CELSR1: variants seen among roughly 807,000 people sequenced by gnomAD.
The protein encoded by CELSR1 is cadherin EGF LAG seven-pass G-type receptor 1.
Under a neutral mutation model 249.1 loss-of-function variants are expected in CELSR1, and 110 were observed. The observed-to-expected ratio is 0.44, with a 90% CI of 0.38 to 0.52. CELSR1 has a LOEUF of 0.52. CELSR1 is among the 20% of genes least tolerant of loss of function. The pLI is 0.00. For synonymous variants in CELSR1, 2,113 were observed against 1,900.0 expected (o/e 1.11, Z -2.92); for missense variants, 4,109 against 4,296.4 (o/e 0.96, Z 1.22).
rs147959364 is a variant in CELSR1 at position 46,396,754 on chromosome 22, G to A, written c.5702-8C>T. On this transcript the variant is annotated splice_polypyrimidine_tract_variant and splice_region_variant and intron_variant, in intron 12 of 34. Coordinates refer to ENST00000674500, the MANE Select transcript of CELSR1 (RefSeq NM_001378328.1). This position sits in a 1 kb window ranked among gnomAD's most constrained non-coding sequence, Gnocchi z 6.4. ...AGTTTATTCCAAGGTACCCTGCAAG[G>A]ACAGAGCCAGCATTACCTCCACCCA... is the stretch of plus-strand genomic sequence containing the variant. The A allele has an allele frequency of 2.3e-4, 378 of 1,610,668 alleles. 2 individuals are homozygous for A. The African/African-American group carries it at 4.6e-3, about 19-fold the overall frequency.
At chr22:46,452,750 C>A (rs577294353) in intron 2 of CELSR1, among the ~76,000 whole-genome samples, 35 of 152,298 alleles carry the variant, frequency 2.3e-4, no homozygotes, top group African/African-American at 7.5e-4. Flanking sequence ...TGGGTCCTAC[C>A]TAGAGGGGAC....
chr22:46,396,994 G>A lies in CELSR1; in HGVS notation c.5702-248C>T, dbSNP rs555560200. On this transcript the variant is annotated intron_variant, in intron 12 of 34. Transcript: ENST00000674500. This position sits in a 1 kb window ranked among gnomAD's most constrained non-coding sequence, Gnocchi z 6.4. ...AGCCTTGGAACACGGGGCCCAGGCTGCCCCAGGACACATGGGGAATGGCCA... is the reference window on the plus strand; with the variant it reads ...AGCCTTGGAACACGGGGCCCAGGCTACCCCAGGACACATGGGGAATGGCCA... Among the ~76,000 whole-genome samples, 2 of 151,678 alleles carry A rather than the reference G, an allele frequency of 1.3e-5. No homozygotes were observed. Among genetic ancestry groups the A allele is most frequent in the East Asian group, 3.9e-4 (2 of 5,166 alleles).
At position 46,391,098 on chromosome 22, in the gene CELSR1, A is replaced by T. The variant is rs1234311230; in HGVS notation, c.6250+88T>A. ...TGCCTGCGGATATTTTTTCAACACGAAACATTCCATGAGTCCCCACATCTC... is the reference window on the plus strand; with the variant it reads ...TGCCTGCGGATATTTTTTCAACACGTAACATTCCATGAGTCCCCACATCTC... On this transcript the variant is annotated intron_variant, in intron 16 of 34. Transcript: ENST00000674500. The surrounding 1 kb of genome is among the most constrained non-coding windows in gnomAD (Gnocchi z 4.3). The T allele has an allele frequency of 1.8e-6, 2 of 1,101,448 alleles. No homozygotes were observed. Among genetic ancestry groups the T allele is most frequent in the East Asian group, 2.4e-5 (1 of 41,530 alleles). 68.2% of individuals were successfully genotyped at this position (1,101,448 alleles called of 1,614,324 possible). A position where few individuals can be genotyped will look rare whatever the true frequency, so the allele number is the denominator to read the frequency against.
At position 46,535,419 on chromosome 22, in the gene CELSR1, C is replaced by T. The variant is rs1347101893; in HGVS notation, c.1752G>A (p.Val584=). Residue 584 remains valine (V), a synonymous_variant, in exon 1 of 35, where the codon GTG becomes GTA. Coordinates refer to ENST00000674500, the MANE Select transcript of CELSR1 (RefSeq NM_001378328.1). ...VLENVPLGYP[V]VHIQAVDADS... ...CCGCGTCCACCGCCTGAATGTGCACCACGGGGTAGCCCAGGGGCACATTCT... is the reference window on the plus strand; with the variant it reads ...CCGCGTCCACCGCCTGAATGTGCACTACGGGGTAGCCCAGGGGCACATTCT... 1.2e-6 allele frequency: 2 copies of T among 1,608,208 alleles called. No individual in the cohort carries two copies. The highest frequency in any genetic ancestry group is 2.2e-5 in the East Asian group (1 of 44,834).
intron 1 of CELSR1, among the ~76,000 whole-genome samples, chr22:46,495,627 G>A (rs2080405427): frequency 6.6e-6 from 1 of 152,024 alleles, no homozygotes; most frequent in African/African-American, 2.4e-5. Context: ...CCTGAGGTCA[G>A]CAGTTCGAGA....
intron 5 of CELSR1, among the ~76,000 whole-genome samples, chr22:46,431,476 G>A (rs191653761): frequency 6.6e-6 from 1 of 152,272 alleles, no homozygotes; most frequent in East Asian, 1.9e-4. Flanking sequence ...TTGGTCTTCT[G>A]ATACGTGCAG....
In CELSR1 at chr22:46,361,622, C is replaced by T. The variant is rs1387334399; in HGVS notation, c.*1601G>A. 2.0e-5 allele frequency: 3 copies of T among 152,244 alleles called. No individual in the cohort carries two copies. The highest frequency in any genetic ancestry group is 2.9e-5 in the Non-Finnish European group (2 of 68,042). 9.4% of individuals were successfully genotyped at this position (152,244 alleles called of 1,614,324 possible). ...TTCAGGTGTGAGGACTCTGGGATCT[C>T]ATTTCATCCTCCTGTCCTGGACCAT... On this transcript the variant is annotated 3_prime_UTR_variant, in exon 35 of 35. Coordinates refer to ENST00000674500, the MANE Select transcript of CELSR1 (RefSeq NM_001378328.1).
chr22:46,369,953 G>T, intron 25 of CELSR1, 149 bp from the exon 26 acceptor site: 1 of 701,424 alleles, frequency 1.4e-6, no homozygotes, highest in Non-Finnish European at 2.6e-6. Context: ...CCAGCCCAGG[G>T]CCCCTCCAAG....
chr22:46,534,144 C>T lies in CELSR1; in HGVS notation c.3027G>A (p.Glu1009=), dbSNP rs1346479166. The change falls in exon 1 of 35, where the codon GAG becomes GAA. Residue 1009 remains glutamate, a synonymous_variant. Coordinates refer to ENST00000674500, the MANE Select transcript of CELSR1 (RefSeq NM_001378328.1). This position sits in a 1 kb window ranked among gnomAD's most constrained non-coding sequence, Gnocchi z 9.7. ...CCACCGACCCCACTGGGTTGTTCTC[C>T]TCAACAAACAGCTCCAGTTCGTCCT... The part of the protein sequence containing the change: ...FEKDELELFV[E]ENNPVGSVVA... 1.9e-6 allele frequency: 3 copies of T among 1,613,890 alleles called. No homozygotes were observed. In the East Asian group the frequency reaches 6.7e-5, roughly 36 times the overall value.
intron 3 of CELSR1, among the ~76,000 whole-genome samples, chr22:46,438,525 G>T (rs1270900255): frequency 1.3e-5 from 2 of 152,212 alleles, no homozygotes; most frequent in East Asian, 3.9e-4. Flanking sequence ...GGTCAGCTCT[G>T]ATGGTTTAGC....
intron 27 of CELSR1, among the ~76,000 whole-genome samples, chr22:46,368,164 T>C (rs371763037): frequency 3.3e-5 from 5 of 152,250 alleles, no homozygotes; most frequent in African/African-American, 1.2e-4. Flanking sequence ...ATGGCTGCAC[T>C]AGCTCCCGTG....
At chr22:46,461,112 G>C (rs1006613411) in intron 2 of CELSR1, among the ~76,000 whole-genome samples, 1 of 152,122 alleles carries the variant, frequency 6.6e-6, no homozygotes, top group Admixed American at 6.6e-5. Context: ...GAATAAATGA[G>C]CTCAATTACC....
rs766152993 is a variant in CELSR1 at position 46,410,445 on chromosome 22, T to C, written c.4886A>G (p.Lys1629Arg). The C allele has an allele frequency of 1.9e-6, 3 of 1,614,054 alleles. No individual in the cohort carries two copies. Among genetic ancestry groups the C allele is most frequent in the South Asian group, 1.1e-5 (1 of 91,084 alleles). ...GATGAATCCGGCCATGTCCACATTT[T>C]TGCCGTCGACTGACAGGTTCCGCAT... Reference protein sequence around the residue: ...GCMRNLSVDGKNVDMAGFIAN... With the variant: ...GCMRNLSVDGRNVDMAGFIAN... The change falls in exon 7 of 35, where the codon AAA becomes AGA. Residue 1629 changes from lysine (K) to arginine (R), a missense_variant. Physicochemically the swap from Lys to Arg is conservative, Grantham distance 26. Around this residue, in one of 7 missense-constraint regions of CELSR1, gnomAD observed 453 missense variants for 492.0 expected, o/e 0.92. Transcript: ENST00000674500. The surrounding 1 kb of genome is among the most constrained non-coding windows in gnomAD (Gnocchi z 6.8).
Position 46,408,675 on chromosome 22 carries a change from C to T in CELSR1, c.5226+321G>A, listed in dbSNP as rs1255772435. ...TTTAACTGGTGAGGCTCACTGTTTC[C>T]GCCTGAAGGCTCGGCACCTCCCTCA... On this transcript the variant is annotated intron_variant, in intron 9 of 34. Transcript: ENST00000674500. The surrounding 1 kb of genome is among the most constrained non-coding windows in gnomAD (Gnocchi z 4.6). Among the ~76,000 whole-genome samples the T allele has an allele frequency of 6.6e-6, 1 of 152,172 alleles. No homozygotes were observed. Among genetic ancestry groups the T allele is most frequent in the Non-Finnish European group, 1.5e-5 (1 of 68,028 alleles).
intron 23 of CELSR1, chr22:46,377,706 T>A: frequency 5.1e-6 from 1 of 196,174 alleles, no homozygotes; most frequent in Non-Finnish European, 1.1e-5. Flanking sequence ...GTCTCCAGGC[T>A]GGGTCCTGCT....
Position 46,441,876 on chromosome 22 carries a change from C to T in CELSR1, c.4184-2465G>A, listed in dbSNP as rs529776697. On this transcript the variant is annotated intron_variant, in intron 2 of 34. Transcript: ENST00000674500. This position sits in a 1 kb window ranked among gnomAD's most constrained non-coding sequence, Gnocchi z 6.1. ...TCCATTTTTAAAAATAAAGAGATCACGGTGGCTCACGCCTGTAACCCCAGC... is the reference window on the plus strand; with the variant it reads ...TCCATTTTTAAAAATAAAGAGATCATGGTGGCTCACGCCTGTAACCCCAGC... Among the ~76,000 whole-genome samples, 1 of 152,308 alleles carries T rather than the reference C, an allele frequency of 6.6e-6. No individual in the cohort carries two copies. Among genetic ancestry groups the T allele is most frequent in the South Asian group, 2.1e-4 (1 of 4,822 alleles).
intron 2 of CELSR1, among the ~76,000 whole-genome samples, chr22:46,442,418 C>T (rs190599151): frequency 1.8e-4 from 28 of 152,314 alleles, no homozygotes; most frequent in African/African-American, 3.1e-4. Flanking sequence ...CTCTGCAGCA[C>T]GCTGTGGGGT....
rs555227322 is a variant in CELSR1 at position 46,416,812 on chromosome 22, G to A, written c.4612-5053C>T. Among the ~76,000 whole-genome samples, 115 of 152,224 alleles carry A rather than the reference G, an allele frequency of 7.6e-4. 1 individual carries two copies. The South Asian group carries it at 0.02, about 27-fold the overall frequency. On this transcript the variant is annotated intron_variant, in intron 5 of 34. Coordinates refer to ENST00000674500, the MANE Select transcript of CELSR1 (RefSeq NM_001378328.1). The stretch of plus-strand genomic sequence containing the variant: ...CCTCCTCCTTGGCTTCCACTCAGCC[G>A]CTCTACGCAGTGCTGGGAGTTTCTG...
At position 46,537,149 on chromosome 22, in the gene CELSR1, C is replaced by CGGG; in HGVS notation, c.19_21dup (p.Pro7dup). The CGGG allele has an allele frequency of 9.7e-7, 1 of 1,026,196 alleles. No homozygotes were observed. Among genetic ancestry groups the CGGG allele is most frequent in the Non-Finnish European group, 1.2e-6 (1 of 858,788 alleles). The allele number at this position is 1,026,196 out of a possible 1,614,324, so 63.6% of individuals were successfully genotyped here. ...GCCAGGAGCAGCAGCACGGGCAGCA[C>CGGG]GGGCGGCGGCGGCGGCGCCATGGCC... On this transcript the variant is annotated inframe_insertion, in exon 1 of 35. Coordinates refer to ENST00000674500, the MANE Select transcript of CELSR1 (RefSeq NM_001378328.1). This position sits in a 1 kb window ranked among gnomAD's most constrained non-coding sequence, Gnocchi z 5.8.
Sources: allele counts gnomAD v4.1 joint callset (sites outside exome capture counted in the v4.1 genomes callset), GRCh38; gene constraint gnomAD v4.1.1; regional missense constraint gnomAD v4.1.1; non-coding constraint Gnocchi (gnomAD v3.1); transcripts MANE v1.5; gene names NCBI Gene and HGNC (gene_info 2026-07-23, HGNC 2026-07-21).